The following TENT2 variants were observed in gnomAD, a reference collection of about 807,000 sequenced individuals.
The protein encoded by TENT2 is poly(A) RNA polymerase GLD2.
A neutral mutation model predicts 72.2 loss-of-function variants in TENT2; 44 were observed. The ratio of observed to expected loss-of-function variants is 0.61; its 90% CI spans 0.48 to 0.78. TENT2 has a LOEUF of 0.78. TENT2 is among the 30% of genes least tolerant of loss of function. The pLI is 0.00. For synonymous variants in TENT2, 212 were observed against 192.5 expected (o/e 1.10, Z -0.84); for missense variants, 541 against 569.6 (o/e 0.95, Z 0.51).
At chr5:79,680,792 T>C (rs1160380314) in intron 13 of TENT2, among the ~76,000 whole-genome samples, 3 of 152,232 alleles carry the variant, frequency 2.0e-5, no homozygotes, top group South Asian at 4.1e-4. Flanking sequence ...CTGTGCATTT[T>C]TCCTCCTTTT....
chr5:79,624,981 A>G (rs140586610), intron 4 of TENT2, among the ~76,000 whole-genome samples: 43 of 152,312 alleles, frequency 2.8e-4, no homozygotes, highest in Non-Finnish European at 4.3e-4. Context: ...AGTGTTTTCT[A>G]AAGTGGTTGC....
At chr5:79,669,820 T>G (rs564235791) in intron 12 of TENT2, among the ~76,000 whole-genome samples, 25 of 152,048 alleles carry the variant, frequency 1.6e-4, no homozygotes, top group Non-Finnish European at 3.4e-4. Flanking sequence ...TTTATATTTA[T>G]CATTTCATTC....
intron 11 of TENT2, among the ~76,000 whole-genome samples, chr5:79,658,706 C>G (rs143141869): frequency 1.3e-5 from 2 of 152,302 alleles, no homozygotes; most frequent in Admixed American, 1.3e-4. Flanking sequence ...GCAGCAGTCT[C>G]ACTTAAAACC....
chr5:79,680,283 A>T (rs1003914542), intron 13 of TENT2, among the ~76,000 whole-genome samples: 19 of 152,194 alleles, frequency 1.2e-4, no homozygotes, highest in Non-Finnish European at 2.6e-4. Flanking sequence ...GGATGTTTTA[A>T]TCTTGAATTA....
At chr5:79,624,750 A>G (rs1768003132) in intron 4 of TENT2, among the ~76,000 whole-genome samples, 1 of 152,168 alleles carries the variant, frequency 6.6e-6, no homozygotes, top group Admixed American at 6.5e-5. Context: ...ATTCCTTTTT[A>G]TAGCTGAATA....
intron 11 of TENT2, among the ~76,000 whole-genome samples, chr5:79,666,825 G>A (rs1233726845): frequency 6.6e-6 from 1 of 152,042 alleles, no homozygotes; most frequent in East Asian, 1.9e-4. Context: ...TTCTGCCTTG[G>A]CCTCCCAAAG....
intron 3 of TENT2, among the ~76,000 whole-genome samples, chr5:79,622,091 A>G (rs545898572): frequency 2.3e-4 from 35 of 152,190 alleles, no homozygotes; most frequent in African/African-American, 7.9e-4. Context: ...ATTTGAGGTC[A>G]GGAGTTCGAG....
chr5:79,642,501 A>AG (rs1213151017), intron 6 of TENT2, among the ~76,000 whole-genome samples: 1 of 152,106 alleles, frequency 6.6e-6, no homozygotes, highest in Non-Finnish European at 1.5e-5. Flanking sequence ...AAATAGGGCT[A>AG]AAATTCTGTT....
At chr5:79,684,857 T>C (rs61697489) in intron 14 of TENT2, among the ~76,000 whole-genome samples, 92,572 of 152,016 alleles carry the variant, frequency 0.61, 31,499 homozygotes, top group East Asian at 0.92. Context: ...AATAAAAACT[T>C]AGCCAGCCTG....
intron 4 of TENT2, among the ~76,000 whole-genome samples, chr5:79,629,436 T>C (rs1773223331): frequency 6.6e-6 from 1 of 152,198 alleles, no homozygotes; most frequent in South Asian, 2.1e-4. Flanking sequence ...CATTCAAATA[T>C]TTGTGAGCTC....
intron 4 of TENT2, among the ~76,000 whole-genome samples, chr5:79,640,255 CAAA>C (rs35865367): frequency 4.9e-5 from 5 of 101,742 alleles, no homozygotes; most frequent in African/African-American, 6.2e-5. Flanking sequence ...GACTCCGTCT[CAAA>C]AAAAAAAAAA....
intron 4 of TENT2, among the ~76,000 whole-genome samples, chr5:79,630,553 G>C (rs1303722933): frequency 6.6e-6 from 1 of 152,240 alleles, no homozygotes; most frequent in East Asian, 1.9e-4. Flanking sequence ...CTCTAGCCTG[G>C]GCGACAGAGT....
intron 4 of TENT2, among the ~76,000 whole-genome samples, chr5:79,624,870 T>C (rs1371785442): frequency 6.6e-6 from 1 of 152,230 alleles, no homozygotes; most frequent in Admixed American, 6.5e-5. Flanking sequence ...TATAAATATC[T>C]GTGTACAGAT....
Position 79,687,511 on chromosome 5 carries a change from C to G in TENT2, c.*2238C>G, listed in dbSNP as rs1381647964. Reference sequence around the variant, plus strand: ...CACACATTCTCTTGATACTTTAAATCATCTCTAAATTACCTGATACGTAAT... The same window carrying G: ...CACACATTCTCTTGATACTTTAAATGATCTCTAAATTACCTGATACGTAAT... On this transcript the variant is annotated 3_prime_UTR_variant, in exon 15 of 15. Transcript: ENST00000453514. Among the ~76,000 whole-genome samples the G allele has an allele frequency of 6.6e-6, 1 of 152,160 alleles. No individual in the cohort carries two copies. Among genetic ancestry groups the G allele is most frequent in the East Asian group, 1.9e-4 (1 of 5,192 alleles).
intron 10 of TENT2, among the ~76,000 whole-genome samples, chr5:79,652,875 G>T (rs1191376391): frequency 6.6e-6 from 1 of 151,624 alleles, no homozygotes; most frequent in Non-Finnish European, 1.5e-5. Context: ...ATGTTCAGGT[G>T]AACTCTTAAC....
At chr5:79,671,033 G>A (rs1007208745) in intron 12 of TENT2, among the ~76,000 whole-genome samples, 2 of 152,008 alleles carry the variant, frequency 1.3e-5, no homozygotes, top group African/African-American at 4.8e-5. Context: ...ACAGAACAAA[G>A]ATAACTTTTT....
At position 79,649,188 on chromosome 5, in the gene TENT2, A is replaced by G. The variant is rs142064783; in HGVS notation, c.1025A>G (p.Gln342Arg). ...SLVLMVLHYL[Q>R]TLPEPILPSL... ...GTATTGATGGTTTTGCACTATTTAC[A>G]AAGTAAGTATAATGGGGTTTTACCC... The change falls in exon 10 of 15, where the codon CAA becomes CGA. Residue 342 changes from glutamine (Q) to arginine (R), a missense_variant and splice_region_variant. Physicochemically the swap from Gln to Arg is conservative, Grantham distance 43 (BLOSUM62 1). Transcript: ENST00000453514. 14 of 1,612,220 alleles carry G rather than the reference A, an allele frequency of 8.7e-6. No individual in the cohort carries two copies. Among genetic ancestry groups the G allele is most frequent in the Non-Finnish European group, 1.2e-5 (14 of 1,178,932 alleles).
At chr5:79,669,761 T>C (rs1811459575) in intron 12 of TENT2, among the ~76,000 whole-genome samples, 1 of 151,842 alleles carries the variant, frequency 6.6e-6, no homozygotes. Context: ...AATAAATTGC[T>C]ATTACTAGAT....
chr5:79,682,513 G>GA (rs1237723350), intron 14 of TENT2, among the ~76,000 whole-genome samples: 2 of 144,018 alleles, frequency 1.4e-5, no homozygotes, highest in South Asian at 2.2e-4. Context: ...TCAAACTCCT[G>GA]ACTTCAGGTG....
Sources: gnomAD v4.1 joint callset for allele counts (sites outside exome capture counted in the v4.1 genomes callset) on GRCh38, gnomAD v4.1.1 for gene constraint, MANE v1.5 for transcripts, NCBI Gene and HGNC (gene_info 2026-07-23, HGNC 2026-07-21) for gene names.